The following TMPRSS9 variants were observed in gnomAD, a reference collection of about 807,000 sequenced individuals.
TMPRSS9 encodes the protein transmembrane serine protease 9, also known as transmembrane protease serine 9.
TMPRSS9 carries 113 observed loss-of-function variants against 111.4 expected under a neutral mutation model. That is an observed-to-expected ratio of 1.01 (90% CI 0.87 to 1.19). The LOEUF (loss-of-function observed/expected upper bound fraction) is 1.19. TMPRSS9 is among the 50% of genes most tolerant of loss of function. The pLI, the probability that TMPRSS9 is intolerant of heterozygous loss-of-function variation, is 0.00. For missense variants in TMPRSS9, 1,803 were observed against 1,513.1 expected (o/e 1.19, Z -3.18); for synonymous variants, 805 against 659.1 (o/e 1.22, Z -3.39).
At chr19:2,412,949 T>C (rs981573540) in intron 9 of TMPRSS9, among the ~76,000 whole-genome samples, 2 of 152,026 alleles carry the variant, frequency 1.3e-5, no homozygotes, top group African/African-American at 4.8e-5. Context: ...ATCCCAGCAC[T>C]TTGGGAGGCT....
chr19:2,381,892 G>C (rs1410547554), intron 1 of TMPRSS9, among the ~76,000 whole-genome samples: 1 of 152,194 alleles, frequency 6.6e-6, no homozygotes, highest in African/African-American at 2.4e-5. Context: ...GCCCAGGCTT[G>C]AGTGCAGTGG....
intron 15 of TMPRSS9, among the ~76,000 whole-genome samples, chr19:2,424,738 G>A (rs1433889717): frequency 1.1e-4 from 16 of 152,146 alleles, no homozygotes; most frequent in Admixed American, 9.8e-4. Context: ...CTGGAGGTCA[G>A]AAGGGGAGGG....
exon 12 of TMPRSS9, chr19:2,416,654 G>C (rs752923991): frequency 7.4e-6 from 12 of 1,612,936 alleles, no homozygotes; most frequent in Non-Finnish European, 1.0e-5. Context: ...TACAACCCTG[G>C]CATCCTGGAC....
intron 5 of TMPRSS9, 76 bp downstream of exon 6, chr19:2,402,092 G>C: frequency 6.7e-7 from 1 of 1,487,272 alleles, no homozygotes; most frequent in Non-Finnish European, 9.2e-7. Context: ...TCAAGGAAGT[G>C]AAGGAATCCC....
intron 1 of TMPRSS9, among the ~76,000 whole-genome samples, chr19:2,361,684 G>T (rs1970200042): frequency 6.6e-6 from 1 of 152,158 alleles, no homozygotes; most frequent in African/African-American, 2.4e-5. Flanking sequence ...CGTGCTCGAG[G>T]GTCCTCTGTG....
chr19:2,399,162 C>G, exon 4 of TMPRSS9: 1 of 1,610,318 alleles, frequency 6.2e-7, no homozygotes, highest in Non-Finnish European at 8.5e-7. Flanking sequence ...CCCTGGCTGC[C>G]TATGGCACAA....
intron 1 of TMPRSS9, among the ~76,000 whole-genome samples, chr19:2,390,973 C>G (rs1970576127): frequency 6.6e-6 from 1 of 150,774 alleles, no homozygotes; most frequent in African/African-American, 2.5e-5. Flanking sequence ...TCGAGACCAC[C>G]CTGACCAACA....
intron 1 of TMPRSS9, among the ~76,000 whole-genome samples, chr19:2,371,863 G>A (rs1970293277): frequency 6.6e-6 from 1 of 152,172 alleles, no homozygotes. Flanking sequence ...TCCCGCCTGG[G>A]CCAGAGGATG....
intron 6 of TMPRSS9, 125 bp from the exon 8 acceptor site, chr19:2,405,248 AG>A: frequency 8.0e-7 from 1 of 1,250,636 alleles, no homozygotes; most frequent in East Asian, 2.8e-5. Context: ...GAAGCCAAGG[AG>A]GGGCCCCCAA....
At chr19:2,385,169 TCGC>T, upstream of TMPRSS9, among the ~76,000 whole-genome samples, 1 of 71,030 alleles carries the variant, frequency 1.4e-5, no homozygotes, top group African/African-American at 6.9e-5. Flanking sequence ...AGGGCGGGGC[TCGC>T]GGGGGGCGGG....
chr19:2,378,423 T>G (rs1000491429), intron 1 of TMPRSS9, among the ~76,000 whole-genome samples: 5 of 152,168 alleles, frequency 3.3e-5, no homozygotes, highest in Non-Finnish European at 7.3e-5. Context: ...ATGCTGCTAA[T>G]GAAAGCATAC....
chr19:2,391,395 A>T (rs112489108), intron 1 of TMPRSS9, among the ~76,000 whole-genome samples: 10 of 145,426 alleles, frequency 6.9e-5, no homozygotes, highest in Non-Finnish European at 7.5e-5. Flanking sequence ...TTTTTAAAAA[A>T]TATTTGTGGA....
intron 11 of TMPRSS9, chr19:2,416,116 G>C: frequency 2.3e-6 from 1 of 442,206 alleles, no homozygotes; most frequent in Non-Finnish European, 4.0e-6. Flanking sequence ...GCCCGCATCT[G>C]TGGTCCCAGC....
exon 7 of TMPRSS9, chr19:2,405,491 G>A (rs1970949442): frequency 6.2e-7 from 1 of 1,605,200 alleles, no homozygotes; most frequent in Admixed American, 1.7e-5. Flanking sequence ...CACTTCTGTG[G>A]GGCCGCCATC....
At chr19:2,397,160 A>G (rs897017029) in intron 2 of TMPRSS9, among the ~76,000 whole-genome samples, 1 of 151,916 alleles carries the variant, frequency 6.6e-6, no homozygotes, top group Non-Finnish European at 1.5e-5. Context: ...ACCTCAAATG[A>G]TCTTCCCTCC....
At chr19:2,385,934 A>T (rs1009887479), upstream of TMPRSS9, among the ~76,000 whole-genome samples, 1 of 151,934 alleles carries the variant, frequency 6.6e-6, no homozygotes, top group African/African-American at 2.4e-5. Flanking sequence ...GGTCTGCAGA[A>T]TTATTTTTTC....
chr19:2,385,182 G>T (rs1465452227), upstream of TMPRSS9, among the ~76,000 whole-genome samples: 1 of 119,452 alleles, frequency 8.4e-6, no homozygotes, highest in Admixed American at 7.7e-5. Flanking sequence ...CGGGGGGCGG[G>T]GCTCGCGGGG....
intron 1 of TMPRSS9, among the ~76,000 whole-genome samples, chr19:2,395,007 G>A (rs1970678140): frequency 1.3e-5 from 2 of 152,224 alleles, no homozygotes; most frequent in East Asian, 1.9e-4. Context: ...TCTGCCTGGC[G>A]TGGTGGCTCA....
intron 1 of TMPRSS9, among the ~76,000 whole-genome samples, 100 bp downstream of exon 1, chr19:2,360,460 G>T (rs1970185744): frequency 6.6e-6 from 1 of 152,208 alleles, no homozygotes; most frequent in African/African-American, 2.4e-5. Flanking sequence ...TTGCCTCTGG[G>T]GCTGTGTAGA....
Sources: gnomAD v4.1 joint callset for allele counts (sites outside exome capture counted in the v4.1 genomes callset) on GRCh38, gnomAD v4.1.1 for gene constraint, MANE v1.5 for transcripts, NCBI Gene and HGNC (gene_info 2026-07-23, HGNC 2026-07-21) for gene names.